CDH18: variants seen among roughly 807,000 people sequenced by gnomAD.
The protein encoded by CDH18 is cadherin-18.
In CDH18, 31 loss-of-function variants were observed where a neutral mutation model predicts 67.9. The observed-to-expected ratio is 0.46, with a 90% CI of 0.34 to 0.62. CDH18 has a LOEUF of 0.62. Ranked by LOEUF, CDH18 falls within the 20% of genes least tolerant of loss-of-function variation. CDH18 has a pLI of 0.01. For missense variants in CDH18, 890 were observed against 975.5 expected, an observed-to-expected ratio of 0.91 and a Z score of 1.17; for synonymous variants, 362 against 347.2, an observed-to-expected ratio of 1.04 and a Z score of -0.48.
chr5:20,014,747 G>A (rs908997294), intron 2 of CDH18, among the ~76,000 whole-genome samples: 2 of 152,084 alleles, frequency 1.3e-5, no homozygotes, highest in African/African-American at 2.4e-5. Flanking sequence ...TGGAGCCTCC[G>A]TCTGAGTAAG....
intron 4 of CDH18, among the ~76,000 whole-genome samples, chr5:19,724,522 C>T (rs1435964541): frequency 1.3e-5 from 2 of 151,742 alleles, no homozygotes; most frequent in Non-Finnish European, 2.9e-5. Context: ...TACACACACA[C>T]ACACACACAC....
intron 5 of CDH18, among the ~76,000 whole-genome samples, chr5:19,680,083 A>T (rs1452814717): frequency 6.6e-6 from 1 of 152,092 alleles, no homozygotes; most frequent in Non-Finnish European, 1.5e-5. Context: ...TAATGTTACA[A>T]AAACAGATAC....
chr5:20,543,143 A>T (rs1221935130), intron 1 of CDH18, among the ~76,000 whole-genome samples: 1 of 152,064 alleles, frequency 6.6e-6, no homozygotes, highest in African/African-American at 2.4e-5. Context: ...TATTGTGGGA[A>T]TAACAATTTA....
chr5:19,906,027 G>A (rs763341311), intron 2 of CDH18, among the ~76,000 whole-genome samples: 2 of 151,992 alleles, frequency 1.3e-5, no homozygotes, highest in Admixed American at 6.6e-5. Context: ...TCAACAATGT[G>A]TGTTTTCCGA....
intron 1 of CDH18, among the ~76,000 whole-genome samples, chr5:20,448,480 T>C (rs1190029887): frequency 6.6e-6 from 1 of 152,140 alleles, no homozygotes; most frequent in Non-Finnish European, 1.5e-5. Context: ...TTATTAGCTA[T>C]AGCCAATGAA....
At chr5:20,394,590 A>T (rs1745131661) in intron 1 of CDH18, among the ~76,000 whole-genome samples, 1 of 152,102 alleles carries the variant, frequency 6.6e-6, no homozygotes. Context: ...CATGGGACCT[A>T]ATTAAACTAG....
intron 1 of CDH18, among the ~76,000 whole-genome samples, chr5:20,563,052 A>G (rs17839228): frequency 1.3e-5 from 2 of 151,510 alleles, no homozygotes; most frequent in African/African-American, 4.8e-5. Flanking sequence ...ATAACACATG[A>G]AAAACTTAAC....
intron 7 of CDH18, 88 bp downstream of exon 7, chr5:19,590,969 C>T: frequency 1.5e-6 from 1 of 671,690 alleles, no homozygotes; most frequent in Non-Finnish European, 2.5e-6. Flanking sequence ...AATGGCCTGA[C>T]AGCGTGGATT....
chr5:20,048,161 T>C (rs929211238), intron 2 of CDH18, among the ~76,000 whole-genome samples: 7 of 151,678 alleles, frequency 4.6e-5, no homozygotes, highest in African/African-American at 1.4e-4. Flanking sequence ...TTAAATGTGA[T>C]AGGAAAACAA....
chr5:19,706,809 C>A (rs558038723), intron 5 of CDH18, among the ~76,000 whole-genome samples: 1 of 152,168 alleles, frequency 6.6e-6, no homozygotes, highest in Non-Finnish European at 1.5e-5. Context: ...AAGAATGAAT[C>A]TCTCCCTGAA....
intron 2 of CDH18, among the ~76,000 whole-genome samples, chr5:20,084,215 C>T (rs1399341501): frequency 2.0e-5 from 3 of 152,150 alleles, no homozygotes; most frequent in Non-Finnish European, 4.4e-5. Flanking sequence ...GAGACATTGG[C>T]CAAAACAAAG....
At chr5:20,283,934 A>G (rs543448360) in intron 1 of CDH18, among the ~76,000 whole-genome samples, 452 of 152,172 alleles carry the variant, frequency 3.0e-3, no homozygotes, top group Admixed American at 6.0e-3. Flanking sequence ...ATGAGATCCT[A>G]TCATTGACAA....
chr5:20,472,661 A>T (rs951649430), intron 1 of CDH18, among the ~76,000 whole-genome samples: 35 of 152,346 alleles, frequency 2.3e-4, no homozygotes, highest in Admixed American at 7.8e-4. Context: ...CCTGGGAATC[A>T]CCAGAACTGA....
chr5:19,697,718 G>C (rs1286699195), intron 5 of CDH18, among the ~76,000 whole-genome samples: 1 of 152,136 alleles, frequency 6.6e-6, no homozygotes, highest in Non-Finnish European at 1.5e-5. Flanking sequence ...CACTTTGTTA[G>C]GGTCACAAGA....
chr5:19,806,093 A>T (rs567773441), intron 3 of CDH18, among the ~76,000 whole-genome samples: 1 of 152,322 alleles, frequency 6.6e-6, no homozygotes, highest in South Asian at 2.1e-4. Context: ...TAACCTTTGG[A>T]TATGTAGTTC....
chr5:20,420,290 A>G (rs934429989), intron 1 of CDH18, among the ~76,000 whole-genome samples: 1 of 151,230 alleles, frequency 6.6e-6, no homozygotes, highest in Non-Finnish European at 1.5e-5. Flanking sequence ...AACTTTGGGC[A>G]CTTGCTCTTT....
intron 1 of CDH18, among the ~76,000 whole-genome samples, chr5:20,500,540 T>A (rs949707095): frequency 6.6e-5 from 10 of 152,134 alleles, no homozygotes; most frequent in African/African-American, 2.4e-4. Context: ...ATGGCCTTCA[T>A]CTGGTATTGG....
chr5:19,868,969 A>G (rs749187444), intron 2 of CDH18, among the ~76,000 whole-genome samples: 7 of 152,212 alleles, frequency 4.6e-5, no homozygotes, highest in African/African-American at 7.2e-5. Context: ...AGATTGTATA[A>G]CTGAAAGCGG....
At chr5:19,893,325 T>C (rs982881463) in intron 2 of CDH18, among the ~76,000 whole-genome samples, 1 of 152,206 alleles carries the variant, frequency 6.6e-6, no homozygotes, top group Non-Finnish European at 1.5e-5. Context: ...TTAATATTGA[T>C]ACAAATTGTG....
Sources: gnomAD v4.1 joint callset for allele counts (sites outside exome capture counted in the v4.1 genomes callset) on GRCh38, gnomAD v4.1.1 for gene constraint, MANE v1.5 for transcripts, NCBI Gene and HGNC (gene_info 2026-07-23, HGNC 2026-07-21) for gene names.